Variants in MAGI2 observed in about 807,000 individuals in gnomAD.
MAGI2 encodes the protein membrane associated guanylate kinase, WW and PDZ domain containing 2, also known as membrane-associated guanylate kinase, WW and PDZ domain-containing protein 2.
MAGI2 carries 35 observed loss-of-function variants against 133.3 expected under a neutral mutation model. That is an observed-to-expected ratio of 0.26 (90% CI 0.20 to 0.35). The LOEUF is 0.35. Ranked by LOEUF, MAGI2 falls within the 10% of genes least tolerant of loss-of-function variation. MAGI2 has a pLI of 1.00. For missense variants in MAGI2, 1,636 were observed against 1,863.4 expected (o/e 0.88, Z 2.25); for synonymous variants, 729 against 710.6 (o/e 1.03, Z -0.41).
At chr7:78,401,968 C>T (rs540666652) in intron 6 of MAGI2, among the ~76,000 whole-genome samples, 1 of 151,778 alleles carries the variant, frequency 6.6e-6, no homozygotes, top group Admixed American at 6.6e-5. Flanking sequence ...CTTGTTGAGT[C>T]CTAAGTCCTA....
At chr7:79,353,021 C>CTAT (rs1266333100) in intron 1 of MAGI2, among the ~76,000 whole-genome samples, 1 of 152,036 alleles carries the variant, frequency 6.6e-6, no homozygotes, top group Non-Finnish European at 1.5e-5. Context: ...TCTCTTATCT[C>CTAT]TATTTTAAAG....
At chr7:79,207,303 C>T (rs1038807648) in intron 1 of MAGI2, among the ~76,000 whole-genome samples, 3 of 151,480 alleles carry the variant, frequency 2.0e-5, no homozygotes, top group South Asian at 4.2e-4. Flanking sequence ...GATGACATGG[C>T]CATATATATA....
In MAGI2 at chr7:79,067,371, G is replaced by A. The variant is rs931910951; in HGVS notation, c.302-60165C>T. Among the ~76,000 whole-genome samples the A allele has an allele frequency of 2.6e-5, 4 of 152,224 alleles. 1 individual carries two copies. Among genetic ancestry groups the A allele is most frequent in the African/African-American group, 2.4e-5 (1 of 41,534 alleles). On this transcript the variant is annotated intron_variant, in intron 1 of 21. Transcript: ENST00000354212. ...ATTTTATTCTCTTTGTAGCAATTGT[G>A]AATGGGAGTTCACTCATGATTTGGC...
chr7:78,293,410 G>GCAAT (rs1796921803), intron 9 of MAGI2, among the ~76,000 whole-genome samples: 1 of 152,054 alleles, frequency 6.6e-6, no homozygotes, highest in Admixed American at 6.6e-5. Context: ...AGTTAGAATG[G>GCAAT]CAATCATTAA....
rs964754422 is a variant in MAGI2 at position 78,344,383 on chromosome 7, T to G, written c.1226-423A>C. On this transcript the variant is annotated intron_variant, in intron 8 of 21. Coordinates refer to ENST00000354212, the MANE Select transcript of MAGI2 (RefSeq NM_012301.4). ...GTAGGAGGTATGTGTCAGTGGCCGA[T>G]CCTAAACTAAGCCTTGAAGAAATAA... is the stretch of plus-strand genomic sequence containing the variant. Among the ~76,000 whole-genome samples, 3 of 152,218 alleles carry G rather than the reference T, an allele frequency of 2.0e-5. 1 individual carries two copies. Among genetic ancestry groups the G allele is most frequent in the South Asian group, 4.2e-4 (2 of 4,818 alleles).
At chr7:78,502,522 T>C (rs1584418304) in intron 4 of MAGI2, among the ~76,000 whole-genome samples, 1 of 152,178 alleles carries the variant, frequency 6.6e-6, no homozygotes, top group African/African-American at 2.4e-5. Context: ...TACAGTAAGA[T>C]AGAGAGAGAG....
Position 79,032,271 on chromosome 7 carries a change from C to T in MAGI2, c.302-25065G>A, listed in dbSNP as rs1044719295. 5.3e-5 allele frequency among the ~76,000 whole-genome samples: 8 copies of T among 152,126 alleles called. No homozygotes were observed. In the South Asian group the frequency reaches 8.3e-4, roughly 16 times the overall value. On this transcript the variant is annotated intron_variant, in intron 1 of 21. Transcript: ENST00000354212. Reference sequence around the variant, plus strand: ...GTGGTTCACGCCTGTAATCCCAGAACTTTGGAAGGCCAAGGCGGGCAGATC... The same window carrying T: ...GTGGTTCACGCCTGTAATCCCAGAATTTTGGAAGGCCAAGGCGGGCAGATC...
intron 2 of MAGI2, among the ~76,000 whole-genome samples, chr7:78,704,557 C>T (rs1003594619): frequency 8.5e-5 from 13 of 152,094 alleles, no homozygotes; most frequent in Non-Finnish European, 1.2e-4. Context: ...CCAGCAATCC[C>T]GTTATTGGGT....
intron 2 of MAGI2, among the ~76,000 whole-genome samples, chr7:78,693,647 T>C (rs1817201695): frequency 6.6e-6 from 1 of 152,176 alleles, no homozygotes; most frequent in Admixed American, 6.5e-5. Flanking sequence ...GTAGATGAGA[T>C]TGTTGCCTTC....
chr7:78,313,507 CAA>C (rs1263340526), intron 9 of MAGI2, among the ~76,000 whole-genome samples: 3 of 151,710 alleles, frequency 2.0e-5, no homozygotes, highest in African/African-American at 7.3e-5. Context: ...AGAATAGAAA[CAA>C]TGATACCAAC....
chr7:78,234,687 G>T (rs1790345313), intron 10 of MAGI2, among the ~76,000 whole-genome samples: 1 of 151,464 alleles, frequency 6.6e-6, no homozygotes, highest in South Asian at 2.1e-4. Context: ...ACTTTATAAG[G>T]CTTTATAGCA....
intron 2 of MAGI2, among the ~76,000 whole-genome samples, chr7:78,889,837 C>A (rs1343914625): frequency 6.6e-6 from 1 of 152,130 alleles, no homozygotes; most frequent in Non-Finnish European, 1.5e-5. Flanking sequence ...GCAAAATAAC[C>A]AGCTAACATC....
At chr7:78,404,593 T>G (rs1797205949) in intron 6 of MAGI2, among the ~76,000 whole-genome samples, 1 of 152,114 alleles carries the variant, frequency 6.6e-6, no homozygotes, top group Non-Finnish European at 1.5e-5. Context: ...TAATAAATGG[T>G]GCTGGGAAAA....
chr7:78,528,352 C>T (rs536400038), intron 3 of MAGI2, among the ~76,000 whole-genome samples: 4 of 152,192 alleles, frequency 2.6e-5, no homozygotes, highest in Non-Finnish European at 5.9e-5. Context: ...TTATACACAT[C>T]AGAGATTTAG....
At chr7:78,136,104 T>C (rs1485707683) in intron 16 of MAGI2, among the ~76,000 whole-genome samples, 1 of 144,870 alleles carries the variant, frequency 6.9e-6, no homozygotes. Context: ...TGTACACTTC[T>C]TTTCTTTCTT....
intron 15 of MAGI2, among the ~76,000 whole-genome samples, chr7:78,161,710 T>TTTA (rs1409686844): frequency 7.4e-6 from 1 of 135,306 alleles, no homozygotes; most frequent in African/African-American, 2.6e-5. Context: ...GCTGTATTTG[T>TTTA]TTATATACTT....
chr7:79,134,737 T>C (rs930458995), intron 1 of MAGI2, among the ~76,000 whole-genome samples: 1 of 152,192 alleles, frequency 6.6e-6, no homozygotes, highest in Non-Finnish European at 1.5e-5. Flanking sequence ...AGCAAACAAG[T>C]AGAGAGTATT....
At chr7:79,300,435 T>A (rs1434050112) in intron 1 of MAGI2, among the ~76,000 whole-genome samples, 1 of 152,184 alleles carries the variant, frequency 6.6e-6, no homozygotes, top group Admixed American at 6.5e-5. Context: ...ATGAAAGTAT[T>A]GAACTTCAAA....
At position 79,075,385 on chromosome 7, in the gene MAGI2, A is replaced by C. The variant is rs149259112; in HGVS notation, c.302-68179T>G. 3.2e-3 allele frequency among the ~76,000 whole-genome samples: 480 copies of C among 152,302 alleles called. 2 individuals carry two copies. The highest frequency in any genetic ancestry group is 0.011 in the African/African-American group (463 of 41,566). On this transcript the variant is annotated intron_variant, in intron 1 of 21. Transcript: ENST00000354212. ...TGGAGTCAGCTTGTGGGTAGGCAACACTATTTGCCATAGAAACCTGTCAGT... is the reference window on the plus strand; with the variant it reads ...TGGAGTCAGCTTGTGGGTAGGCAACCCTATTTGCCATAGAAACCTGTCAGT...
Sources: allele counts gnomAD v4.1 joint callset (sites outside exome capture counted in the v4.1 genomes callset), GRCh38; gene constraint gnomAD v4.1.1; transcripts MANE v1.5; gene names NCBI Gene and HGNC (gene_info 2026-07-23, HGNC 2026-07-21).